LRRC4C: variants seen among roughly 807,000 people sequenced by gnomAD.
LRRC4C encodes the protein leucine rich repeat containing 4C.
LRRC4C carries 5 observed loss-of-function variants against 33.6 expected under a neutral mutation model. That is an observed-to-expected ratio of 0.15 (90% CI 0.08 to 0.31). The LOEUF (loss-of-function observed/expected upper bound fraction) is 0.31. Among genes scored for constraint, LRRC4C ranks in the 10% least tolerant of loss-of-function variants. The pLI is 1.00. For synonymous variants in LRRC4C, 329 were observed against 302.0 expected, an observed-to-expected ratio of 1.09 and a Z score of -0.93; for missense variants, 560 against 796.7, an observed-to-expected ratio of 0.70 and a Z score of 3.58.
At chr11:41,278,950 C>G (rs1275884180) in intron 1 of LRRC4C, among the ~76,000 whole-genome samples, 1 of 152,116 alleles carries the variant, frequency 6.6e-6, no homozygotes, top group Non-Finnish European at 1.5e-5. Context: ...TAGTACCCAA[C>G]AGGTAGTTTT....
chr11:41,126,180 TTTAAA>T (rs781646499), intron 1 of LRRC4C, among the ~76,000 whole-genome samples: 6 of 151,910 alleles, frequency 3.9e-5, no homozygotes, highest in Non-Finnish European at 7.4e-5. Context: ...ATCCCAGAAA[TTTAAA>T]TTAAATTAAA....
chr11:41,215,610 A>T (rs930090948), intron 1 of LRRC4C, among the ~76,000 whole-genome samples: 1 of 151,720 alleles, frequency 6.6e-6, no homozygotes, highest in Non-Finnish European at 1.5e-5. Context: ...TATGTTTGGC[A>T]TTTCTTACAA....
intron 3 of LRRC4C, among the ~76,000 whole-genome samples, chr11:40,643,054 T>C (rs964534211): frequency 1.3e-5 from 2 of 152,158 alleles, no homozygotes; most frequent in Admixed American, 1.3e-4. Flanking sequence ...AGGAAGACCA[T>C]ACAAAAAGCT....
intron 1 of LRRC4C, among the ~76,000 whole-genome samples, chr11:41,445,098 C>T (rs919460739): frequency 2.0e-5 from 3 of 152,096 alleles, no homozygotes; most frequent in Non-Finnish European, 2.9e-5. Context: ...CCACCACGCC[C>T]GACATCTAAC....
At chr11:40,494,687 A>C (rs775017756) in intron 3 of LRRC4C, among the ~76,000 whole-genome samples, 5 of 152,170 alleles carry the variant, frequency 3.3e-5, no homozygotes, top group Non-Finnish European at 7.3e-5. Flanking sequence ...TGAAAAATTT[A>C]TGATATGTGA....
intron 4 of LRRC4C, among the ~76,000 whole-genome samples, chr11:40,285,919 T>G (rs756295236): frequency 6.6e-6 from 1 of 152,094 alleles, no homozygotes; most frequent in Non-Finnish European, 1.5e-5. Flanking sequence ...TATACAACCT[T>G]AGACAAATCA....
chr11:40,677,317 C>T (rs1479390965), intron 2 of LRRC4C, among the ~76,000 whole-genome samples: 8 of 152,040 alleles, frequency 5.3e-5, no homozygotes, highest in Non-Finnish European at 1.0e-4. Flanking sequence ...ACCTGGGAGG[C>T]GGAGGTTGCA....
At chr11:41,012,359 T>A (rs1331800614) in intron 1 of LRRC4C, among the ~76,000 whole-genome samples, 1 of 152,212 alleles carries the variant, frequency 6.6e-6, no homozygotes, top group African/African-American at 2.4e-5. Flanking sequence ...TTGGCTTATT[T>A]CACTTAATAT....
Position 40,241,609 on chromosome 11 carries a change from A to T in LRRC4C, c.-175-11T>A, listed in dbSNP as rs546155785. 2.3e-4 allele frequency: 35 copies of T among 152,210 alleles called. No homozygotes were observed. Among genetic ancestry groups the T allele is most frequent in the African/African-American group, 7.9e-4 (33 of 41,536 alleles). 9.4% of individuals were successfully genotyped at this position (152,210 alleles called of 1,614,324 possible). On this transcript the variant is annotated splice_polypyrimidine_tract_variant and intron_variant, in intron 4 of 6. Transcript: ENST00000528697. ...TCTCAGTTTCTTGCTCTGCAAAATG[A>T]GGTGATTGAAACTAGATGATGTAAG...
At chr11:41,034,648 G>T in intron 1 of LRRC4C, among the ~76,000 whole-genome samples, 1 of 139,440 alleles carries the variant, frequency 7.2e-6, no homozygotes, top group African/African-American at 2.7e-5. Context: ...TGAGGTGAGA[G>T]TTATTATATA....
At chr11:41,075,409 A>C (rs1284732295) in intron 1 of LRRC4C, among the ~76,000 whole-genome samples, 1 of 152,198 alleles carries the variant, frequency 6.6e-6, no homozygotes, top group Non-Finnish European at 1.5e-5. Context: ...GGCTTTATTA[A>C]GCCTCTAGGA....
intron 3 of LRRC4C, among the ~76,000 whole-genome samples, chr11:40,579,312 T>C (rs146715107): frequency 1.3e-3 from 193 of 144,660 alleles, no homozygotes; most frequent in African/African-American, 4.8e-3. Flanking sequence ...GGCAACAGAG[T>C]GAGACTCTGT....
At chr11:41,035,998 T>C (rs1451269522) in intron 1 of LRRC4C, among the ~76,000 whole-genome samples, 4 of 152,008 alleles carry the variant, frequency 2.6e-5, no homozygotes, top group African/African-American at 9.7e-5. Context: ...GAAATGTAAC[T>C]ATACAAACTC....
Position 40,225,586 on chromosome 11 carries a change from C to T in LRRC4C, c.-96+15933G>A, listed in dbSNP as rs148054080. Among the ~76,000 whole-genome samples, 59 of 151,598 alleles carry T rather than the reference C, an allele frequency of 3.9e-4. No homozygotes were observed. The East Asian group carries it at 8.2e-3, about 21-fold the overall frequency. On this transcript the variant is annotated intron_variant, in intron 5 of 6. Coordinates refer to ENST00000528697, the MANE Select transcript of LRRC4C (RefSeq NM_001258419.2). ...GGAGGATTGCTTTCTACACAGCAAA[C>T]GCCCAATATATTTCCCAATTCTCTC...
intron 1 of LRRC4C, among the ~76,000 whole-genome samples, chr11:41,090,714 G>A (rs1015896193): frequency 1.3e-4 from 19 of 151,992 alleles, no homozygotes; most frequent in African/African-American, 4.3e-4. Context: ...TGCATCTTGG[G>A]GGCAGTTTCC....
intron 1 of LRRC4C, among the ~76,000 whole-genome samples, chr11:41,000,714 A>G (rs1180450374): frequency 6.6e-6 from 1 of 152,092 alleles, no homozygotes; most frequent in Non-Finnish European, 1.5e-5. Flanking sequence ...TGCTTTACTC[A>G]TTCGTCTCCC....
chr11:40,593,008 T>G (rs1050975353), intron 3 of LRRC4C, among the ~76,000 whole-genome samples: 1 of 151,834 alleles, frequency 6.6e-6, no homozygotes, highest in African/African-American at 2.4e-5. Flanking sequence ...CTTTCTGATG[T>G]GCTTTTGAAG....
intron 3 of LRRC4C, among the ~76,000 whole-genome samples, chr11:40,550,038 A>G (rs1957074401): frequency 6.6e-6 from 1 of 152,112 alleles, no homozygotes; most frequent in Non-Finnish European, 1.5e-5. Context: ...TCTTCACCTC[A>G]TGTCTCCCTA....
intron 3 of LRRC4C, among the ~76,000 whole-genome samples, chr11:40,463,345 G>T (rs927362902): frequency 1.6e-5 from 2 of 127,210 alleles, no homozygotes; most frequent in African/African-American, 5.7e-5. Flanking sequence ...TGTGTGTGTG[G>T]TTAAAAGAAC....
Sources: gnomAD v4.1 joint callset for allele counts (sites outside exome capture counted in the v4.1 genomes callset) on GRCh38, gnomAD v4.1.1 for gene constraint, MANE v1.5 for transcripts, NCBI Gene and HGNC (gene_info 2026-07-23, HGNC 2026-07-21) for gene names.